The following MMP26 variants were observed in gnomAD, a reference collection of about 807,000 sequenced individuals.
The protein encoded by MMP26 is matrix metallopeptidase 26, also known as matrix metalloproteinase-26.
A neutral mutation model predicts 31.0 loss-of-function variants in MMP26; 33 were observed. That is an observed-to-expected ratio of 1.06 (90% CI 0.81 to 1.42). The LOEUF is 1.42. Among genes scored for constraint, MMP26 ranks in the 40% most tolerant of loss-of-function variants. The probability of loss-of-function intolerance (pLI) is 0.00; values close to 1 mark genes in which losing one functional copy is unlikely to be tolerated. For missense variants in MMP26, 347 were observed against 316.1 expected (o/e 1.10, Z -0.74); for synonymous variants, 122 against 114.9 (o/e 1.06, Z -0.40).
At chr11:4,907,261 T>C in intron 2 of MMP26, 2 of 663,998 alleles carry the variant, frequency 3.0e-6, no homozygotes, top group Non-Finnish European at 2.6e-6. Flanking sequence ...TTGAGTATAG[T>C]ATACGAATGA....
At chr11:4,808,142 C>T (rs1157227442) in intron 2 of MMP26, among the ~76,000 whole-genome samples, 4 of 152,098 alleles carry the variant, frequency 2.6e-5, no homozygotes, top group African/African-American at 9.7e-5. Flanking sequence ...AAAACCTCTG[C>T]ATCCTCCTAT....
intron 2 of MMP26, among the ~76,000 whole-genome samples, chr11:4,980,756 A>G (rs1846801402): frequency 6.7e-6 from 1 of 150,256 alleles, no homozygotes; most frequent in African/African-American, 2.5e-5. Flanking sequence ...ACAATTTTTA[A>G]GTAAAAATAT....
chr11:4,879,296 G>A (rs943657217), intron 2 of MMP26, among the ~76,000 whole-genome samples: 4 of 152,092 alleles, frequency 2.6e-5, no homozygotes, highest in African/African-American at 9.7e-5. Flanking sequence ...TTAATTGACT[G>A]TCTACTGTGA....
chr11:4,723,133 G>T, intron 1 of MMP26: 2 of 1,591,822 alleles, frequency 1.3e-6, no homozygotes, highest in South Asian at 2.2e-5. Context: ...CGGACAGCTT[G>T]GAGTTGGCAT....
At chr11:4,866,442 G>T (rs1589923838) in intron 2 of MMP26, among the ~76,000 whole-genome samples, 1 of 151,892 alleles carries the variant, frequency 6.6e-6, no homozygotes, top group African/African-American at 2.4e-5. Context: ...GAAAACAAAA[G>T]AAAATGAGAA....
At chr11:4,779,169 T>A (rs1848826614) in intron 2 of MMP26, among the ~76,000 whole-genome samples, 1 of 152,036 alleles carries the variant, frequency 6.6e-6, no homozygotes, top group Admixed American at 6.5e-5. Flanking sequence ...ATGTTAGGCA[T>A]CATTATCCTG....
chr11:4,861,289 A>G (rs1480269589), intron 2 of MMP26, among the ~76,000 whole-genome samples: 1 of 150,510 alleles, frequency 6.6e-6, no homozygotes, highest in Non-Finnish European at 1.5e-5. Flanking sequence ...AGATACATAC[A>G]GTTTCCAAGT....
At chr11:4,979,621 C>A (rs1301841063) in intron 2 of MMP26, among the ~76,000 whole-genome samples, 1 of 152,064 alleles carries the variant, frequency 6.6e-6, no homozygotes, top group African/African-American at 2.4e-5. Flanking sequence ...AAAACAAATA[C>A]CATACCCCAG....
intron 2 of MMP26, among the ~76,000 whole-genome samples, chr11:4,778,800 A>C (rs537568249): frequency 3.3e-4 from 50 of 152,012 alleles, no homozygotes; most frequent in African/African-American, 1.1e-3. Flanking sequence ...TTCTATCAAA[A>C]CCTTTCACAT....
At chr11:4,849,430 T>C (rs1454576697) in intron 2 of MMP26, among the ~76,000 whole-genome samples, 1 of 152,214 alleles carries the variant, frequency 6.6e-6, no homozygotes, top group Non-Finnish European at 1.5e-5. Flanking sequence ...GGTTTTTCTA[T>C]AGCTGTCCTC....
intron 2 of MMP26, among the ~76,000 whole-genome samples, chr11:4,960,687 A>G (rs938998887): frequency 6.6e-6 from 1 of 152,132 alleles, no homozygotes; most frequent in African/African-American, 2.4e-5. Context: ...TCCAAAAATT[A>G]CAGTACCAAA....
At chr11:4,954,709 G>A in intron 2 of MMP26, 2 of 754,164 alleles carry the variant, frequency 2.7e-6, no homozygotes, top group East Asian at 2.9e-5. Flanking sequence ...CAAATATTAG[G>A]TTTCTCAAAT....
At chr11:4,821,142 G>A (rs1453821336) in intron 2 of MMP26, among the ~76,000 whole-genome samples, 1 of 152,082 alleles carries the variant, frequency 6.6e-6, no homozygotes, top group Non-Finnish European at 1.5e-5. Flanking sequence ...TAATTGTAAT[G>A]TTTATTGCTA....
intron 2 of MMP26, among the ~76,000 whole-genome samples, chr11:4,985,139 A>T (rs1564819337): frequency 6.6e-6 from 1 of 151,336 alleles, no homozygotes. Context: ...AGTGATAAGC[A>T]GCATGCCTCA....
chr11:4,784,683 T>C (rs1848910892), intron 2 of MMP26, among the ~76,000 whole-genome samples: 1 of 152,194 alleles, frequency 6.6e-6, no homozygotes. Context: ...GACACCTTGA[T>C]TTTGGACTCT....
At chr11:4,887,425 A>T (rs980845893) in intron 2 of MMP26, among the ~76,000 whole-genome samples, 3 of 152,120 alleles carry the variant, frequency 2.0e-5, no homozygotes, top group African/African-American at 7.2e-5. Flanking sequence ...ACATTTTATG[A>T]CCTGAGTCAT....
chr11:4,723,064 G>A, intron 1 of MMP26: 1 of 1,212,234 alleles, frequency 8.2e-7, no homozygotes, highest in Non-Finnish European at 1.2e-6. Flanking sequence ...TCAGCTCCTG[G>A]TACCCATGCA....
intron 2 of MMP26, chr11:4,882,994 T>A: frequency 2.6e-6 from 2 of 775,692 alleles, no homozygotes; most frequent in Non-Finnish European, 4.2e-6. Flanking sequence ...ATTTTAGGAG[T>A]GGGAAGAAGA....
chr11:4,805,239 A>G (rs1458941207), intron 2 of MMP26, among the ~76,000 whole-genome samples: 1 of 152,190 alleles, frequency 6.6e-6, no homozygotes, highest in Non-Finnish European at 1.5e-5. Flanking sequence ...AGTTACCACA[A>G]GGGCTTGGGT....
Sources: allele counts gnomAD v4.1 joint callset (sites outside exome capture counted in the v4.1 genomes callset), GRCh38; gene constraint gnomAD v4.1.1; transcripts MANE v1.5; gene names NCBI Gene and HGNC (gene_info 2026-07-23, HGNC 2026-07-21).